SGMS1: variants seen among roughly 807,000 people sequenced by gnomAD.
SGMS1 encodes phosphatidylcholine:ceramide cholinephosphotransferase 1.
A neutral mutation model predicts 46.2 loss-of-function variants in SGMS1; 13 were observed. The ratio of observed to expected loss-of-function variants is 0.28; its 90% CI spans 0.18 to 0.45. SGMS1 has a LOEUF of 0.45. SGMS1 is among the 20% of genes least tolerant of loss of function. SGMS1 has a pLI of 1.00. For synonymous variants in SGMS1, 203 were observed against 187.8 expected, an observed-to-expected ratio of 1.08 and a Z score of -0.66; for missense variants, 324 against 519.9, an observed-to-expected ratio of 0.62 and a Z score of 3.66.
chr10:50,600,487 AC>A (rs1352492140), intron 1 of SGMS1, among the ~76,000 whole-genome samples: 1 of 152,220 alleles, frequency 6.6e-6, no homozygotes, highest in African/African-American at 2.4e-5. Flanking sequence ...AGGTGTTATT[AC>A]TGCTATTCTA....
chr10:50,376,215 T>A (rs1380624701), intron 6 of SGMS1, among the ~76,000 whole-genome samples: 1 of 152,152 alleles, frequency 6.6e-6, no homozygotes, highest in South Asian at 2.1e-4. Flanking sequence ...ATAGAGGATA[T>A]ACACTAAAAT....
intron 2 of SGMS1, among the ~76,000 whole-genome samples, chr10:50,520,127 CACCTGTAA>C (rs916887827): frequency 2.8e-4 from 42 of 152,176 alleles, no homozygotes; most frequent in African/African-American, 9.7e-4. Flanking sequence ...CAGTGGCTCA[CACCTGTAA>C]TCTCAGCACT....
chr10:50,557,966 G>A (rs187558263), intron 2 of SGMS1, among the ~76,000 whole-genome samples: 16 of 152,314 alleles, frequency 1.1e-4, no homozygotes, highest in African/African-American at 3.1e-4. Context: ...CATAGACACC[G>A]TAAGTACCAA....
Position 50,489,691 on chromosome 10 carries a change from G to C in SGMS1, c.-497-22759C>G, listed in dbSNP as rs1293568593. ...AAATCACTCATTAAAAAATAAACAT[G>C]GTGGCTGGGCACGGTGGCTCACGCC... On this transcript the variant is annotated intron_variant, in intron 3 of 10. Coordinates refer to ENST00000361781, the MANE Select transcript of SGMS1 (RefSeq NM_147156.4). Among the ~76,000 whole-genome samples, 3 of 152,024 alleles carry C rather than the reference G, an allele frequency of 2.0e-5. No individual in the cohort carries two copies. The East Asian group carries it at 5.8e-4, about 29-fold the overall frequency.
intron 2 of SGMS1, among the ~76,000 whole-genome samples, chr10:50,527,625 C>T (rs988618632): frequency 6.6e-6 from 1 of 152,032 alleles, no homozygotes; most frequent in Non-Finnish European, 1.5e-5. Context: ...GATAAGGGCC[C>T]AGTAGGAACA....
At chr10:50,354,928 A>G (rs889170055) in intron 6 of SGMS1, among the ~76,000 whole-genome samples, 6 of 152,224 alleles carry the variant, frequency 3.9e-5, no homozygotes, top group African/African-American at 1.4e-4. Flanking sequence ...AGATCATTAA[A>G]AAGTCAGGAA....
chr10:50,575,684 TAATAC>T (rs58157521), intron 2 of SGMS1, among the ~76,000 whole-genome samples: 31,954 of 151,802 alleles, frequency 0.21, 4,291 homozygotes, highest in East Asian at 0.63. Flanking sequence ...GTGGTGGTGG[TAATAC>T]AATACAAGTG....
Position 50,527,169 on chromosome 10 carries a change from T to C in SGMS1, c.-588-7248A>G, listed in dbSNP as rs148158207. On this transcript the variant is annotated intron_variant, in intron 2 of 10. Coordinates refer to ENST00000361781, the MANE Select transcript of SGMS1 (RefSeq NM_147156.4). ...CAGCCATCCACTCCGTAAGTAGACA[T>C]TGACGGTGTGCCCATCAAGCATGGA... 1.1e-3 allele frequency among the ~76,000 whole-genome samples: 168 copies of C among 151,732 alleles called. 1 individual carries two copies. The highest frequency in any genetic ancestry group is 3.7e-3 in the African/African-American group (153 of 41,302).
intron 6 of SGMS1, among the ~76,000 whole-genome samples, chr10:50,348,039 C>G (rs901945905): frequency 3.3e-5 from 5 of 152,118 alleles, no homozygotes; most frequent in African/African-American, 1.2e-4. Flanking sequence ...TCCCCCTACC[C>G]TATGACAGGC....
chr10:50,411,088 G>A (rs562928511), intron 6 of SGMS1, among the ~76,000 whole-genome samples: 10 of 152,282 alleles, frequency 6.6e-5, no homozygotes, highest in Admixed American at 3.3e-4. Context: ...GGGCCCTCAT[G>A]TATGGCATAT....
Position 50,357,029 on chromosome 10 carries a change from C to G in SGMS1, c.-231-12684G>C, listed in dbSNP as rs188302630. Among the ~76,000 whole-genome samples, 38 of 150,624 alleles carry G rather than the reference C, an allele frequency of 2.5e-4. No homozygotes were observed. The Middle Eastern group carries it at 0.01, about 40-fold the overall frequency. On this transcript the variant is annotated intron_variant, in intron 6 of 10. Transcript: ENST00000361781. ...ACATGGCACATGTATACATATGTAA[C>G]AAACCTGCACATTGTATACCTGTAC...
chr10:50,406,186 G>A (rs981755156), intron 6 of SGMS1, among the ~76,000 whole-genome samples: 2 of 152,148 alleles, frequency 1.3e-5, no homozygotes, highest in African/African-American at 2.4e-5. Flanking sequence ...TGCAAAAGGG[G>A]ATCTGAGCCC....
rs185521976 is a variant in SGMS1, at chr10:50,388,026, T to C, written c.-231-43681A>G. On this transcript the variant is annotated intron_variant, in intron 6 of 10. Coordinates refer to ENST00000361781, the MANE Select transcript of SGMS1 (RefSeq NM_147156.4). ...CAGTTCACTATATACAGAGAAACCTTTACACTGAACTTAAAATATTTAAGG... is the reference window on the plus strand; with the variant it reads ...CAGTTCACTATATACAGAGAAACCTCTACACTGAACTTAAAATATTTAAGG... 1.2e-4 allele frequency among the ~76,000 whole-genome samples: 18 copies of C among 152,284 alleles called. No homozygotes were observed. In the East Asian group the frequency reaches 3.5e-3, roughly 29 times the overall value.
Position 50,389,694 on chromosome 10 carries a change from G to A in SGMS1, c.-232+43782C>T, listed in dbSNP as rs1848735993. ...TCTACCAATTTCCATTTATGAAAAG[G>A]TTCTTTGGTAGCCCCCTGACCATAA... On this transcript the variant is annotated intron_variant, in intron 6 of 10. Transcript: ENST00000361781. Among the ~76,000 whole-genome samples the A allele has an allele frequency of 2.6e-5, 4 of 152,140 alleles. No individual in the cohort carries two copies. The South Asian group carries it at 8.3e-4, about 31-fold the overall frequency.
intron 2 of SGMS1, among the ~76,000 whole-genome samples, chr10:50,568,295 C>T (rs866846570): frequency 1.3e-5 from 2 of 152,024 alleles, no homozygotes; most frequent in South Asian, 4.2e-4. Context: ...AAAATAGCCA[C>T]CAAAAAAAGC....
intron 8 of SGMS1, among the ~76,000 whole-genome samples, chr10:50,317,928 C>A (rs1470286307): frequency 6.6e-6 from 1 of 151,912 alleles, no homozygotes; most frequent in African/African-American, 2.4e-5. Context: ...CTCAGCCTCC[C>A]AAGTAGCTGG....
In SGMS1 at chr10:50,327,495, C is replaced by T. The variant is rs12414270; in HGVS notation, c.624-173G>A. On this transcript the variant is annotated intron_variant, in intron 7 of 10. Coordinates refer to ENST00000361781, the MANE Select transcript of SGMS1 (RefSeq NM_147156.4). ...ATTAAGACAAAGATTTTGAGAATAA[C>T]GTTGTGTGGTGCTTTTTAAAAAATA... Among the ~76,000 whole-genome samples, 1,500 of 152,198 alleles carry T rather than the reference C, an allele frequency of 9.9e-3. 63 individuals are homozygous for T. Among genetic ancestry groups the T allele is most frequent in the Admixed American group, 0.081 (1,245 of 15,290 alleles).
intron 3 of SGMS1, among the ~76,000 whole-genome samples, chr10:50,467,942 G>T (rs545722164): frequency 6.6e-6 from 1 of 152,126 alleles, no homozygotes; most frequent in Admixed American, 6.6e-5. Context: ...GAAACAGAAG[G>T]GGAAGGGCCT....
intron 3 of SGMS1, among the ~76,000 whole-genome samples, chr10:50,507,840 C>T (rs1477737444): frequency 1.3e-5 from 2 of 152,180 alleles, no homozygotes; most frequent in African/African-American, 4.8e-5. Context: ...CCTCAGGGGC[C>T]TCAGGCCCCA....
Sources: allele counts gnomAD v4.1 joint callset (sites outside exome capture counted in the v4.1 genomes callset), GRCh38; gene constraint gnomAD v4.1.1; transcripts MANE v1.5; gene names NCBI Gene and HGNC (gene_info 2026-07-23, HGNC 2026-07-21).